The following ZNF827 variants were observed in gnomAD, a reference collection of about 807,000 sequenced individuals.
ZNF827 encodes zinc finger protein 827.
Under a neutral mutation model 102.4 loss-of-function variants are expected in ZNF827, and 13 were observed. That is an observed-to-expected ratio of 0.13 (90% confidence interval 0.08 to 0.20). The LOEUF (loss-of-function observed/expected upper bound fraction) is 0.20, where lower values mean the gene tolerates loss of function less well. Ranked by LOEUF, ZNF827 falls within the 10% of genes least tolerant of loss-of-function variation. The pLI is 1.00. For synonymous variants in ZNF827, 523 were observed against 536.2 expected (o/e 0.98, Z 0.34); for missense variants, 1,103 against 1,344.4 (o/e 0.82, Z 2.81).
chr4:145,766,534 C>T (rs1735323215), intron 11 of ZNF827, among the ~76,000 whole-genome samples: 1 of 152,186 alleles, frequency 6.6e-6, no homozygotes, highest in Non-Finnish European at 1.5e-5. Flanking sequence ...CAGGTGGAAC[C>T]TGACAGACTC....
intron 1 of ZNF827, among the ~76,000 whole-genome samples, chr4:145,930,521 C>G (rs762998748): frequency 1.3e-5 from 2 of 152,202 alleles, no homozygotes; most frequent in Non-Finnish European, 2.9e-5. Flanking sequence ...AAGGTCCATG[C>G]ATTTCTTCCT....
chr4:145,912,598 T>A (rs536309186), intron 1 of ZNF827, among the ~76,000 whole-genome samples: 8 of 152,176 alleles, frequency 5.3e-5, no homozygotes, highest in Admixed American at 2.0e-4. Flanking sequence ...GATGAGGTCA[T>A]TGGGGTGGAC....
At chr4:145,879,300 T>C (rs544483585) in intron 4 of ZNF827, among the ~76,000 whole-genome samples, 2 of 152,278 alleles carry the variant, frequency 1.3e-5, no homozygotes, top group South Asian at 4.1e-4. Flanking sequence ...AAATGAGAAA[T>C]TACATGATGT....
intron 8 of ZNF827, among the ~76,000 whole-genome samples, chr4:145,802,579 T>C (rs1251529206): frequency 3.3e-5 from 5 of 152,256 alleles, no homozygotes; most frequent in African/African-American, 1.2e-4. Flanking sequence ...TCTTACTAGC[T>C]AGCCCAGTGA....
chr4:145,905,087 C>A (rs998986699), intron 1 of ZNF827, among the ~76,000 whole-genome samples: 2 of 152,200 alleles, frequency 1.3e-5, no homozygotes, highest in African/African-American at 4.8e-5. Flanking sequence ...TTATATTACT[C>A]TAAATTATCT....
At chr4:145,788,809 G>A (rs1199135938) in intron 8 of ZNF827, among the ~76,000 whole-genome samples, 1 of 152,190 alleles carries the variant, frequency 6.6e-6, no homozygotes. Context: ...CAATGTTGAG[G>A]CCATTTATAA....
At chr4:145,872,273 GCC>G (rs1748757653) in intron 4 of ZNF827, among the ~76,000 whole-genome samples, 2 of 152,184 alleles carry the variant, frequency 1.3e-5, no homozygotes, top group Admixed American at 6.5e-5. Flanking sequence ...TAAGAGTGGA[GCC>G]CTAATGCATT....
intron 7 of ZNF827, among the ~76,000 whole-genome samples, chr4:145,839,794 T>A (rs1414972614): frequency 6.6e-6 from 1 of 152,188 alleles, no homozygotes; most frequent in Non-Finnish European, 1.5e-5. Context: ...TTCCTGACTA[T>A]TAGGAGTTAT....
chr4:145,812,398 G>A (rs1212871364), intron 8 of ZNF827, among the ~76,000 whole-genome samples: 2 of 152,128 alleles, frequency 1.3e-5, no homozygotes, highest in Non-Finnish European at 2.9e-5. Flanking sequence ...TTCCAGAAAT[G>A]CCTTAACGTT....
chr4:145,809,640 T>C (rs115096556), intron 8 of ZNF827, among the ~76,000 whole-genome samples: 1,847 of 152,272 alleles, frequency 0.012, 47 homozygotes, highest in African/African-American at 0.043. Flanking sequence ...AACATCACTA[T>C]TGTAGCATCT....
At position 145,763,573 on chromosome 4, in the gene ZNF827, T is replaced by G. The variant is rs1274719834; in HGVS notation, c.3231-451A>C. On this transcript the variant is annotated intron_variant, in intron 13 of 14. Coordinates refer to ENST00000508784, the MANE Select transcript of ZNF827 (RefSeq NM_001306215.2). This position sits in a 1 kb window ranked among gnomAD's most constrained non-coding sequence, Gnocchi z 4.6. Reference sequence around the variant, plus strand: ...CCAATGGCTTCAGAGGCTGGGGACTTTGGAGGTCCCTGAGGAAAGGCGAAC... The same window carrying G: ...CCAATGGCTTCAGAGGCTGGGGACTGTGGAGGTCCCTGAGGAAAGGCGAAC... 1.3e-5 allele frequency among the ~76,000 whole-genome samples: 2 copies of G among 152,156 alleles called. No individual in the cohort carries two copies. The highest frequency in any genetic ancestry group is 2.9e-5 in the Non-Finnish European group (2 of 68,024).
intron 1 of ZNF827, among the ~76,000 whole-genome samples, chr4:145,937,795 A>G (rs955328293): frequency 4.7e-5 from 7 of 148,070 alleles, no homozygotes; most frequent in Non-Finnish European, 1.0e-4. Context: ...CCCCGGCGCA[A>G]CCTTTAGCCA....
chr4:145,936,145 C>G (rs543137821), intron 1 of ZNF827, among the ~76,000 whole-genome samples: 64 of 152,162 alleles, frequency 4.2e-4, no homozygotes, highest in African/African-American at 1.5e-3. Context: ...CCTCCCCTGA[C>G]CCCCTCAGGA....
intron 1 of ZNF827, among the ~76,000 whole-genome samples, chr4:145,919,030 G>T (rs776927667): frequency 4.8e-5 from 4 of 84,036 alleles, no homozygotes; most frequent in African/African-American, 1.0e-4. Flanking sequence ...CTGAGGTGGG[G>T]TATCACTTGA....
intron 9 of ZNF827, 110 bp from the exon 10 acceptor site, chr4:145,776,070 T>A: frequency 7.9e-7 from 1 of 1,263,510 alleles, no homozygotes; most frequent in Non-Finnish European, 1.1e-6. Context: ...CAAGTCATAT[T>A]TCAGATGGAG....
intron 7 of ZNF827, chr4:145,833,086 A>C (rs984786923): frequency 4.7e-6 from 1 of 212,226 alleles, no homozygotes; most frequent in African/African-American, 2.4e-5. Flanking sequence ...TTGCTCCGTG[A>C]GAAAGATCCA....
chr4:145,825,726 A>G (rs1473686231), intron 7 of ZNF827, among the ~76,000 whole-genome samples: 1 of 152,210 alleles, frequency 6.6e-6, no homozygotes, highest in African/African-American at 2.4e-5. Flanking sequence ...TGCTGTCTTC[A>G]AAAGTGTGGA....
chr4:145,938,226 A>G, intron 1 of ZNF827, 139 bp downstream of exon 1: 1 of 977,950 alleles, frequency 1.0e-6, no homozygotes, highest in Non-Finnish European at 1.6e-6. Context: ...AACGAGGAGT[A>G]ACCCGGGCTG....
At chr4:145,898,274 A>G (rs1267000799) in intron 2 of ZNF827, among the ~76,000 whole-genome samples, 1 of 152,248 alleles carries the variant, frequency 6.6e-6, no homozygotes, top group East Asian at 1.9e-4. Context: ...AATATTAAAG[A>G]AAACAGCAGC....
Sources: gnomAD v4.1 joint callset for allele counts (sites outside exome capture counted in the v4.1 genomes callset) on GRCh38, gnomAD v4.1.1 for gene constraint, Gnocchi (gnomAD v3.1) non-coding constraint, MANE v1.5 for transcripts, NCBI Gene and HGNC (gene_info 2026-07-23, HGNC 2026-07-21) for gene names.